The following GSDMB variants were observed in gnomAD, a reference collection of about 807,000 sequenced individuals.
GSDMB encodes gasdermin B, also known as gasdermin-B.
In GSDMB, 32 loss-of-function variants were observed where a neutral mutation model predicts 42.9. That is an observed-to-expected ratio of 0.75 (90% confidence interval 0.56 to 1.00). The LOEUF is 1.00. Among genes scored for constraint, GSDMB ranks in the 50% least tolerant of loss-of-function variants. The pLI, the probability that GSDMB is intolerant of heterozygous loss-of-function variation, is 0.00. For missense variants in GSDMB, 468 were observed against 498.5 expected, an observed-to-expected ratio of 0.94 and a Z score of 0.58; for synonymous variants, 175 against 193.7, an observed-to-expected ratio of 0.90 and a Z score of 0.80.
rs1196085329 is a variant in GSDMB at position 39,909,860 on chromosome 17, C to T, written c.472G>A (p.Val158Met). The change falls in exon 4 of 11, where the codon GTG (valine) becomes ATG (methionine). Residue 158 changes from valine (V) to methionine (M), a missense_variant. Transcript: ENST00000418519. Reference protein sequence around the residue: ...SINTRENLYLVTETLETVKEE... With the variant: ...SINTRENLYLMTETLETVKEE... ...TTTACCGTCTCCAGAGTTTCTGTCA[C>T]CAGATACAGGTTTTCTCTCGTATTA... The T allele has an allele frequency of 6.2e-7, 1 of 1,613,636 alleles. No individual in the cohort carries two copies. The highest frequency in any genetic ancestry group is 1.1e-5 in the South Asian group (1 of 91,084).
intron 2 of GSDMB, among the ~76,000 whole-genome samples, chr17:39,916,018 A>G (rs1393796616): frequency 6.6e-6 from 1 of 152,152 alleles, no homozygotes; most frequent in African/African-American, 2.4e-5. Flanking sequence ...AGAGTTCAAC[A>G]CTTAACCCTG....
chr17:39,908,323 TCAA>T, intron 5 of GSDMB, 109 bp from the exon 6 acceptor site: 11 of 124,798 alleles, frequency 8.8e-5, no homozygotes, highest in South Asian at 2.4e-4. Context: ...CAGCCTCCAA[TCAA>T]AAAAAAAAAA....
At chr17:39,917,381 G>A (rs1042255238) in intron 1 of GSDMB, 51 bp from the exon 2 acceptor site, 46 of 1,087,966 alleles carry the variant, frequency 4.2e-5, no homozygotes, top group Non-Finnish European at 3.7e-5. Flanking sequence ...ATTGGTTCAA[G>A]TATTTAAATC....
At position 39,905,510 on chromosome 17, in the gene GSDMB, A is replaced by G. The variant is rs772907097; in HGVS notation, c.1028-14T>C. The G allele has an allele frequency of 6.2e-7, 1 of 1,600,386 alleles. No individual in the cohort carries two copies. Among genetic ancestry groups the G allele is most frequent in the East Asian group, 2.2e-5 (1 of 44,782 alleles). ...CTTCAGACAGCTCTGGGGGCAAAGA[A>G]AGAGTGGTAAAAAGGAGAGATATAT... On this transcript the variant is annotated splice_polypyrimidine_tract_variant and intron_variant, in intron 9 of 10. Transcript: ENST00000418519.
chr17:39,917,281 T>A lies in GSDMB; in HGVS notation c.36A>T (p.Val12=). 6.2e-7 allele frequency: 1 copy of A among 1,613,456 alleles called. No individual in the cohort carries two copies. The highest frequency in any genetic ancestry group is 1.3e-5 in the African/African-American group (1 of 75,046). Residue 12 remains valine, a synonymous_variant, in exon 2 of 11, where the codon GTA becomes GTT. Coordinates refer to ENST00000418519, the MANE Select transcript of GSDMB (RefSeq NM_001165958.2). ...CCCCTCCAGCATCCATCTCCTTAACTACAATTCTTGTGATTTCCTCAAATA... is the reference window on the plus strand; with the variant it reads ...CCCCTCCAGCATCCATCTCCTTAACAACAATTCTTGTGATTTCCTCAAATA... The part of the protein sequence containing the change: ...FSVFEEITRI[V]VKEMDAGGDM...
At chr17:39,906,415 C>G (rs2063506025) in intron 7 of GSDMB, 144 bp from the exon 8 acceptor site, 5 of 954,662 alleles carry the variant, frequency 5.2e-6, no homozygotes, top group Non-Finnish European at 7.6e-6. Flanking sequence ...AATTAAGCAT[C>G]CTTCTTCCAA....
chr17:39,906,162 G>A lies in GSDMB; in HGVS notation c.837C>T (p.Ser279=). The change falls in exon 8 of 11, where the codon TCC becomes TCT. Residue 279 remains serine, a synonymous_variant. Coordinates refer to ENST00000418519, the MANE Select transcript of GSDMB (RefSeq NM_001165958.2). ...CCTCCTTGCCGAGGCACTTAGCGAG[G>A]GAGTTTAGCACATCTTTTCTCTTCT... ...TEEKRKDVLN[S]LAKCLGKEDI... 1.2e-6 allele frequency: 2 copies of A among 1,614,114 alleles called. No individual in the cohort carries two copies. The highest frequency in any genetic ancestry group is 2.2e-5 in the South Asian group (2 of 91,080).
At chr17:39,916,542 G>A (rs912635381) in intron 2 of GSDMB, among the ~76,000 whole-genome samples, 19 of 151,492 alleles carry the variant, frequency 1.3e-4, no homozygotes, top group African/African-American at 2.9e-4. Context: ...CGCCCACCTC[G>A]GCCTCCCAAA....
At chr17:39,905,813 C>T (rs375089760) in intron 9 of GSDMB, 34 bp downstream of exon 9, 21 of 1,609,318 alleles carry the variant, frequency 1.3e-5, no homozygotes, top group Non-Finnish European at 1.6e-5. Flanking sequence ...CTCACACTTC[C>T]TCCACCCCAG....
intron 6 of GSDMB, 131 bp from the exon 7 acceptor site, chr17:39,907,118 T>A: frequency 1.3e-6 from 2 of 1,522,062 alleles, no homozygotes; most frequent in Non-Finnish European, 1.8e-6. Flanking sequence ...GGAGCCTGCA[T>A]CCTCACCAGC....
intron 4 of GSDMB, chr17:39,909,373 C>T (rs1232006791): frequency 5.1e-6 from 2 of 392,366 alleles, no homozygotes; most frequent in African/African-American, 4.2e-5. Context: ...CAAAAATACA[C>T]CTGTGTAATG....
rs71152627 is a variant in GSDMB at position 39,914,761 on chromosome 17, CA to C, written c.236-2265del. Among the ~76,000 whole-genome samples the C allele has an allele frequency of 5.2e-3, 475 of 90,974 alleles. 3 individuals are homozygous for C. Among genetic ancestry groups the C allele is most frequent in the Non-Finnish European group, 6.8e-3 (336 of 49,228 alleles). The allele number at this position is 90,974 out of a possible 152,430, so 59.7% of individuals were successfully genotyped here. On this transcript the variant is annotated intron_variant, in intron 2 of 10. Coordinates refer to ENST00000418519, the MANE Select transcript of GSDMB (RefSeq NM_001165958.2). The stretch of plus-strand genomic sequence containing the variant: ...TGGGCAATAGAGCGACACTCCATCT[CA>C]AAAAAAAAAAAAAAAAAGTTAATGT...
rs752368908 is a variant in GSDMB, at chr17:39,904,860, GACA to G, written c.1200_1202del (p.Val401del). On this transcript the variant is annotated inframe_deletion, in exon 11 of 11. Coordinates refer to ENST00000418519, the MANE Select transcript of GSDMB (RefSeq NM_001165958.2). ...CCTCAGCCAGCTCCAGCAGGATAGAGACAACAACATACAGCGCACAGAGAATTC... is the reference window on the plus strand; with the variant it reads ...CCTCAGCCAGCTCCAGCAGGATAGAGACAACATACAGCGCACAGAGAATTC... The G allele has an allele frequency of 5.6e-6, 9 of 1,614,008 alleles. No individual in the cohort carries two copies. Among genetic ancestry groups the G allele is most frequent in the Non-Finnish European group, 7.6e-6 (9 of 1,179,880 alleles).
Position 39,904,831 on chromosome 17 carries a change from G to T in GSDMB, c.1232C>A (p.Pro411His). The change falls in exon 11 of 11, where the codon CCT becomes CAT. Residue 411 changes from proline to histidine, a missense_variant. Physicochemically the swap from Pro to His is moderately conservative, Grantham distance 77. Coordinates refer to ENST00000418519, the MANE Select transcript of GSDMB (RefSeq NM_001165958.2). Reference protein sequence around the residue: ...VSILLELAEGPTSVSS With the variant: ...VSILLELAEGHTSVSS ...TTGTAGTTAGGAAGAGACAGAGGTA[G>T]GCCCCTCAGCCAGCTCCAGCAGGAT... is the stretch of plus-strand genomic sequence containing the variant. 6.2e-7 allele frequency: 1 copy of T among 1,614,032 alleles called. No homozygotes were observed. Among genetic ancestry groups the T allele is most frequent in the Non-Finnish European group, 8.5e-7 (1 of 1,179,968 alleles).
Position 39,906,215 on chromosome 17 carries a change from C to T in GSDMB, c.784G>A (p.Glu262Lys), listed in dbSNP as rs2063502640. The change falls in exon 8 of 11, where the codon GAG becomes AAG. Residue 262 changes from glutamate (E) to lysine (K), a missense_variant. Transcript: ENST00000418519. ...RNMKEKLEDM[E>K]SVLKDLTEEK... The stretch of plus-strand genomic sequence containing the variant: ...TCTGTCAGGTCCTTGAGGACACTCT[C>T]CATGTCCTCCAACTTCTCCTTCATG... 1.2e-6 allele frequency: 2 copies of T among 1,612,878 alleles called. No homozygotes were observed. The highest frequency in any genetic ancestry group is 2.2e-5 in the East Asian group (1 of 44,878).
Position 39,918,447 on chromosome 17 carries a change from A to C in GSDMB, c.-15+87T>G, listed in dbSNP as rs907154494. ...GTCTCTGGCCCCATCATGGTGGTTG[A>C]CTCTCAGTTCACTACCAACCTGGGA... On this transcript the variant is annotated intron_variant, in intron 1 of 10. Transcript: ENST00000418519. 5 of 152,356 alleles carry C rather than the reference A, an allele frequency of 3.3e-5. No homozygotes were observed. In the East Asian group the frequency reaches 7.6e-4, roughly 23 times the overall value. The allele number at this position is 152,356 out of a possible 1,614,324, so 9.4% of individuals were successfully genotyped here.
At position 39,904,934 on chromosome 17, in the gene GSDMB, C is replaced by G; in HGVS notation, c.1129G>C (p.Glu377Gln). The change falls in exon 11 of 11, where the codon GAG (glutamate) becomes CAG (glutamine). Residue 377 changes from glutamate (E) to glutamine (Q), a missense_variant. Physicochemically the swap from Glu to Gln is conservative, Grantham distance 29 (BLOSUM62 2). Transcript: ENST00000418519. Reference sequence around the variant, plus strand: ...ATGTCAGGAGGACTGCTGGCCAGCTCATCCCAGTTCTGCTCCATGACAGAT... The same window carrying G: ...ATGTCAGGAGGACTGCTGGCCAGCTGATCCCAGTTCTGCTCCATGACAGAT... ...VKSVMEQNWD[E>Q]LASSPPDMDY... 6.2e-7 allele frequency: 1 copy of G among 1,613,904 alleles called. No homozygotes were observed. Among genetic ancestry groups the G allele is most frequent in the South Asian group, 1.1e-5 (1 of 91,066 alleles).
At chr17:39,908,515 G>C (rs1364998471) in intron 5 of GSDMB, among the ~76,000 whole-genome samples, 1 of 152,008 alleles carries the variant, frequency 6.6e-6, no homozygotes, top group East Asian at 1.9e-4. Context: ...AAGTAGCTGG[G>C]ATTACAGGCG....
chr17:39,906,614 G>T, intron 7 of GSDMB: 1 of 1,305,474 alleles, frequency 7.7e-7, no homozygotes, highest in African/African-American at 1.5e-5. Flanking sequence ...TTTGGAGAAA[G>T]TTAAAGCAGT....
Sources: gnomAD v4.1 joint callset for allele counts (sites outside exome capture counted in the v4.1 genomes callset) on GRCh38, gnomAD v4.1.1 for gene constraint, MANE v1.5 for transcripts, NCBI Gene and HGNC (gene_info 2026-07-23, HGNC 2026-07-21) for gene names.